The following NLRP9 variants were observed in gnomAD, a reference collection of about 807,000 sequenced individuals.
The protein encoded by NLRP9 is NACHT, LRR and PYD domains-containing protein 9.
NLRP9 carries 88 observed loss-of-function variants against 83.1 expected under a neutral mutation model. The ratio of observed to expected loss-of-function variants is 1.06; its 90% CI spans 0.89 to 1.26. NLRP9 has a LOEUF of 1.26. Among genes scored for constraint, NLRP9 ranks in the 50% most tolerant of loss-of-function variants. NLRP9 has a pLI of 0.00. For missense variants in NLRP9, 1,308 were observed against 1,179.3 expected (o/e 1.11, Z -1.60); for synonymous variants, 521 against 447.6 (o/e 1.16, Z -2.07).
Position 55,712,487 on chromosome 19 carries a change from C to G in NLRP9, c.2605G>C (p.Gly869Arg). ...KTLKLGHNEI[G>R]DTGVRQLCAA... ...CATAACTGTCTGACACCAGTGTCTC[C>G]TATTTCATTATGCCCAAGTTTCAGG... is the stretch of plus-strand genomic sequence containing the variant. The change falls in exon 7 of 9, where the codon GGA becomes CGA. Residue 869 changes from glycine (G) to arginine (R), a missense_variant. Physicochemically the swap from Gly to Arg is moderately radical, Grantham distance 125. Transcript: ENST00000332836. The G allele has an allele frequency of 6.2e-7, 1 of 1,612,698 alleles. No individual in the cohort carries two copies. The highest frequency in any genetic ancestry group is 1.1e-5 in the South Asian group (1 of 91,058).
At chr19:55,715,563 A>T (rs191998578) in intron 5 of NLRP9, among the ~76,000 whole-genome samples, 1 of 152,296 alleles carries the variant, frequency 6.6e-6, no homozygotes, top group East Asian at 1.9e-4. Flanking sequence ...GCACACCTGT[A>T]ATCCCAGCTA....
intron 8 of NLRP9, chr19:55,709,603 T>C (rs1010538029): frequency 1.3e-5 from 2 of 152,256 alleles, no homozygotes; most frequent in Non-Finnish European, 2.9e-5. Flanking sequence ...TGAACCCACC[T>C]CAACAAAGCT....
intron 8 of NLRP9, among the ~76,000 whole-genome samples, chr19:55,710,229 T>C (rs1378159270): frequency 1.3e-5 from 2 of 152,150 alleles, no homozygotes; most frequent in African/African-American, 4.8e-5. Flanking sequence ...ATTATTATTA[T>C]TTTATAATGC....
At chr19:55,722,178 A>G (rs1460540800) in intron 4 of NLRP9, among the ~76,000 whole-genome samples, 1 of 152,016 alleles carries the variant, frequency 6.6e-6, no homozygotes, top group Non-Finnish European at 1.5e-5. Flanking sequence ...GAAGTAAATG[A>G]ATAGTTAGTT....
intron 2 of NLRP9, among the ~76,000 whole-genome samples, chr19:55,730,374 A>G (rs1394742707): frequency 6.6e-6 from 1 of 151,996 alleles, no homozygotes; most frequent in Non-Finnish European, 1.5e-5. Context: ...GAATCACTTG[A>G]ACCCAGGAGT....
At chr19:55,734,635 ATATTTT>A (rs1194057303) in intron 1 of NLRP9, among the ~76,000 whole-genome samples, 12 of 120,032 alleles carry the variant, frequency 1.0e-4, no homozygotes, top group African/African-American at 1.8e-4. Context: ...ATATATATAT[ATATTTT>A]TTTTTTTTTT....
chr19:55,727,898 G>A lies in NLRP9; in HGVS notation c.1994+1933C>T, dbSNP rs551471155. ...CGACTTGCAATACAGTCTTACAATGGCTATGATTTATTTCAGCAAAAGCAC... is the reference window on the plus strand; with the variant it reads ...CGACTTGCAATACAGTCTTACAATGACTATGATTTATTTCAGCAAAAGCAC... On this transcript the variant is annotated intron_variant, in intron 3 of 8. Coordinates refer to ENST00000332836, the MANE Select transcript of NLRP9 (RefSeq NM_176820.4). 5.3e-5 allele frequency among the ~76,000 whole-genome samples: 8 copies of A among 152,258 alleles called. No homozygotes were observed. The East Asian group carries it at 1.5e-3, about 29-fold the overall frequency.
chr19:55,714,424 T>G (rs1987927696), intron 6 of NLRP9, among the ~76,000 whole-genome samples: 1 of 151,882 alleles, frequency 6.6e-6, no homozygotes, highest in Non-Finnish European at 1.5e-5. Context: ...TGGGGAGAGG[T>G]GAGTCACCTG....
chr19:55,728,704 T>C (rs1250339514), intron 3 of NLRP9, among the ~76,000 whole-genome samples: 3 of 152,178 alleles, frequency 2.0e-5, no homozygotes, highest in Non-Finnish European at 2.9e-5. Flanking sequence ...TGCACAAATA[T>C]GTGGGCCAAT....
Position 55,711,961 on chromosome 19 carries a change from CG to C in NLRP9, c.2681del (p.Thr894SerfsTer22). 1.9e-6 allele frequency: 3 copies of C among 1,612,170 alleles called. No individual in the cohort carries two copies. Among genetic ancestry groups the C allele is most frequent in the Non-Finnish European group, 2.5e-6 (3 of 1,179,318 alleles). ...HCKLECLGLQ[T>X]CPITRACCDD... is the part of the protein sequence containing the mutation. The stretch of plus-strand genomic sequence containing the variant: ...CGCAGCAGGCACGGGTGATCGGACA[CG>C]TTTGCAGCCTGCAAAAGGGAAACAC... On this transcript the variant is annotated frameshift_variant, in exon 8 of 9. Coordinates refer to ENST00000332836, the MANE Select transcript of NLRP9 (RefSeq NM_176820.4). LOFTEE classifies it high-confidence loss of function.
In NLRP9 at chr19:55,733,878, G is replaced by A. The variant is rs182276770; in HGVS notation, c.281-328C>T. Among the ~76,000 whole-genome samples the A allele has an allele frequency of 3.6e-3, 534 of 149,244 alleles. 5 individuals are homozygous for A. Among genetic ancestry groups the A allele is most frequent in the African/African-American group, 0.013 (522 of 40,122 alleles). ...TTAACCCAGACATTTCCTTTATTTT[G>A]ATCCCAGGTCTTTAGATAAACTCAA... On this transcript the variant is annotated intron_variant, in intron 1 of 8. Coordinates refer to ENST00000332836, the MANE Select transcript of NLRP9 (RefSeq NM_176820.4).
chr19:55,728,142 C>G (rs1988454522), intron 3 of NLRP9, among the ~76,000 whole-genome samples: 1 of 152,210 alleles, frequency 6.6e-6, no homozygotes, highest in South Asian at 2.1e-4. Context: ...TAGGCACCCT[C>G]TGCCTAGCAT....
intron 2 of NLRP9, among the ~76,000 whole-genome samples, chr19:55,730,313 G>A (rs913803824): frequency 2.0e-5 from 3 of 152,114 alleles, no homozygotes; most frequent in Non-Finnish European, 4.4e-5. Context: ...AAATTAGACA[G>A]ATGTGGTGGC....
chr19:55,730,330 C>T (rs1176978974), intron 2 of NLRP9, among the ~76,000 whole-genome samples: 1 of 151,998 alleles, frequency 6.6e-6, no homozygotes, highest in Non-Finnish European at 1.5e-5. Context: ...TGGCATACAC[C>T]TGTAGTCCCA....
Position 55,732,599 on chromosome 19 carries a change from G to T in NLRP9, c.1232C>A (p.Ser411Tyr), listed in dbSNP as rs773348206. The change falls in exon 2 of 9, where the codon TCC (serine) becomes TAC (tyrosine). Residue 411 changes from serine to tyrosine, a missense_variant. Transcript: ENST00000332836. The part of the protein sequence containing the change: ...EGIWTYTFVF[S>Y]HGDLRRNGLS... ...CCCATTCCTCCGGAGATCCCCATGGGAAAATACAAATGTATATGTCCAAAT... is the reference window on the plus strand; with the variant it reads ...CCCATTCCTCCGGAGATCCCCATGGTAAAATACAAATGTATATGTCCAAAT... 2 of 1,614,200 alleles carry T rather than the reference G, an allele frequency of 1.2e-6. No individual in the cohort carries two copies. The highest frequency in any genetic ancestry group is 1.7e-5 in the Admixed American group (1 of 60,026).
intron 6 of NLRP9, among the ~76,000 whole-genome samples, chr19:55,713,546 G>T (rs530891879): frequency 7.5e-6 from 1 of 133,952 alleles, no homozygotes; most frequent in African/African-American, 2.8e-5. Flanking sequence ...GGTCTACCAC[G>T]CCAGGAGAGA....
At chr19:55,734,400 A>C (rs866787898) in intron 1 of NLRP9, among the ~76,000 whole-genome samples, 1 of 144,136 alleles carries the variant, frequency 6.9e-6, no homozygotes, top group South Asian at 2.2e-4. Context: ...AAAAATTACT[A>C]TATCAATTGT....
intron 5 of NLRP9, among the ~76,000 whole-genome samples, chr19:55,716,482 C>T (rs904870016): frequency 1.3e-5 from 2 of 152,048 alleles, no homozygotes; most frequent in Admixed American, 1.3e-4. Context: ...TGGTCTCAAA[C>T]TCCTGAGCTC....
chr19:55,735,327 C>T (rs1379533598), intron 1 of NLRP9, among the ~76,000 whole-genome samples: 7 of 145,938 alleles, frequency 4.8e-5, no homozygotes, highest in African/African-American at 1.3e-4. Context: ...TGGCTCACGC[C>T]GGTAATCCCA....
Sources: allele counts gnomAD v4.1 joint callset (sites outside exome capture counted in the v4.1 genomes callset), GRCh38; gene constraint gnomAD v4.1.1; transcripts MANE v1.5; gene names NCBI Gene and HGNC (gene_info 2026-07-23, HGNC 2026-07-21).